The following ARMCX4 variants were observed in gnomAD, a reference collection of about 807,000 sequenced individuals.
ARMCX4 encodes the protein armadillo repeat-containing X-linked protein 4.
In ARMCX4, 3 loss-of-function variants were observed where a neutral mutation model predicts 34.7. That is an observed-to-expected ratio of 0.09 (90% CI 0.04 to 0.22). ARMCX4 has a LOEUF of 0.22. ARMCX4 is among the 10% of genes least tolerant of loss of function. The probability of loss-of-function intolerance (pLI) is 1.00; values close to 1 mark genes in which losing one functional copy is unlikely to be tolerated. For synonymous variants in ARMCX4, 513 were observed against 632.8 expected (o/e 0.81, Z 2.84); for missense variants, 1,448 against 1,720.8 (o/e 0.84, Z 2.81).
chrX:101,431,862 G>A (rs1193840922), intron 2 of ARMCX4, among the ~76,000 whole-genome samples: 2 of 112,182 alleles, frequency 1.8e-5, no homozygotes, highest in African/African-American at 6.5e-5. Flanking sequence ...TTTCTTAAAG[G>A]CATATATAGT....
intron 4 of ARMCX4, among the ~76,000 whole-genome samples, chrX:101,470,462 G>A (rs896905618): frequency 1.5e-4 from 17 of 110,024 alleles, no homozygotes; most frequent in East Asian, 5.8e-4. Context: ...ACAGGTGTGC[G>A]CCACCACACC....
chrX:101,419,232 G>A (rs966344309), intron 2 of ARMCX4: 15 of 111,146 alleles, frequency 1.3e-4, no homozygotes, highest in Non-Finnish European at 2.4e-4. Flanking sequence ...TTTGATTTTT[G>A]CTTTTCCAGT....
At chrX:101,466,783 C>T (rs1172599994) in intron 4 of ARMCX4, among the ~76,000 whole-genome samples, 1 of 111,819 alleles carries the variant, frequency 8.9e-6, no homozygotes, top group Non-Finnish European at 1.9e-5. Flanking sequence ...GTATCTTGAT[C>T]GTGGTGGTAG....
rs543270639 is a variant in ARMCX4, at chrX:101,458,885, T to A, written c.-473+12841T>A. Among the ~76,000 whole-genome samples the A allele has an allele frequency of 3.3e-4, 37 of 112,152 alleles. No individual in the cohort carries two copies. In the South Asian group the frequency reaches 4.0e-3, roughly 12 times the overall value. ...TTATCTAAATAAAATAAAATAAAAT[T>A]AAATTAAAATTAAAATGGAATGGGG... On this transcript the variant is annotated intron_variant and NMD_transcript_variant, in intron 4 of 15. Coordinates refer to the ARMCX4 transcript ENST00000433011.
At chrX:101,531,200 A>G (rs1247735170) in intron 11 of ARMCX4, among the ~76,000 whole-genome samples, 1 of 111,676 alleles carries the variant, frequency 9.0e-6, no homozygotes, top group African/African-American at 3.3e-5. Flanking sequence ...CTTTACAAGG[A>G]CGCTGTGATT....
At position 101,518,498 on chromosome X, in the gene ARMCX4, T is replaced by C. The variant is rs1292676805; in HGVS notation, c.*1780+7443T>C. 2.7e-5 allele frequency among the ~76,000 whole-genome samples: 3 copies of C among 110,838 alleles called. No homozygotes were observed. In the East Asian group the frequency reaches 8.4e-4, roughly 31 times the overall value. ...ATTTTCAAGTGACTAGAGGGAAAAA[T>C]TTGTCAGAAAAGAAAAACTAAAAGG... On this transcript the variant is annotated intron_variant and NMD_transcript_variant, in intron 11 of 12. Transcript: ENST00000354842.
upstream of ARMCX4, among the ~76,000 whole-genome samples, chrX:101,481,905 A>C (rs2147650265): frequency 9.0e-6 from 1 of 111,340 alleles, no homozygotes; most frequent in African/African-American, 3.3e-5. Context: ...ACATAATTTT[A>C]AATGAAAAAA....
At chrX:101,500,613 A>G (rs1402978644), downstream of ARMCX4, among the ~76,000 whole-genome samples, 1 of 112,483 alleles carries the variant, frequency 8.9e-6, no homozygotes, top group Non-Finnish European at 1.9e-5. Flanking sequence ...TTGCAATGGC[A>G]TACCAGACAT....
At chrX:101,465,031 G>T (rs1932769025) in intron 4 of ARMCX4, among the ~76,000 whole-genome samples, 1 of 111,137 alleles carries the variant, frequency 9.0e-6, no homozygotes, top group Non-Finnish European at 1.9e-5. Flanking sequence ...AATAGTAATA[G>T]AATCTATAAT....
chrX:101,474,658 C>T (rs1262030883), intron 4 of ARMCX4, among the ~76,000 whole-genome samples: 23 of 104,576 alleles, frequency 2.2e-4, no homozygotes, highest in African/African-American at 4.6e-4. Flanking sequence ...GTTCAATATA[C>T]GCAAATCAAT....
At chrX:101,525,664 C>A (rs1414152179) in intron 11 of ARMCX4, among the ~76,000 whole-genome samples, 2 of 111,161 alleles carry the variant, frequency 1.8e-5, no homozygotes, top group Non-Finnish European at 3.8e-5. Context: ...ACAAGAACTA[C>A]ATGACGTATG....
At chrX:101,459,966 G>A (rs1301407317) in intron 4 of ARMCX4, among the ~76,000 whole-genome samples, 3 of 112,595 alleles carry the variant, frequency 2.7e-5, no homozygotes, top group African/African-American at 9.7e-5. Flanking sequence ...TGCCCCTAGA[G>A]TTTCTGATTC....
intron 11 of ARMCX4, among the ~76,000 whole-genome samples, chrX:101,512,043 G>C (rs1370683348): frequency 9.0e-6 from 1 of 111,036 alleles, no homozygotes; most frequent in Admixed American, 9.6e-5. Flanking sequence ...CTAGTATAGG[G>C]GCTGGAGGAG....
chrX:101,453,878 AAGTACGAT>A (rs1192530460), intron 4 of ARMCX4, among the ~76,000 whole-genome samples: 1 of 110,994 alleles, frequency 9.0e-6, no homozygotes, highest in African/African-American at 3.3e-5. Context: ...TCAGAGAGGC[AAGTACGAT>A]AGGTATCTGG....
chrX:101,526,808 A>T (rs1321133024), intron 11 of ARMCX4, among the ~76,000 whole-genome samples: 3 of 111,979 alleles, frequency 2.7e-5, no homozygotes, highest in Non-Finnish European at 5.6e-5. Flanking sequence ...TGCACCCAAT[A>T]CAGGAGCACC....
chrX:101,528,283 G>C (rs1054271161), intron 11 of ARMCX4, among the ~76,000 whole-genome samples: 1 of 111,677 alleles, frequency 9.0e-6, no homozygotes, highest in South Asian at 3.7e-4. Context: ...AAATTCAACA[G>C]TGTTTCATGC....
intron 2 of ARMCX4, among the ~76,000 whole-genome samples, chrX:101,430,603 A>G (rs1261084779): frequency 8.9e-6 from 1 of 112,539 alleles, no homozygotes; most frequent in Non-Finnish European, 1.9e-5. Flanking sequence ...CATTGCAGTC[A>G]CTGTTAACCA....
In ARMCX4 at chrX:101,493,885, A is replaced by G. The variant is rs1278572718; in HGVS notation, c.5296A>G (p.Thr1766Ala). ...CAGGCCTGATGATAAAGATGAGGCC[A>G]CTACTGCATCCAGATCAGGGGCTGG... ...VSRPDDKDEA[T>A]TASRSGAGEE... Residue 1766 changes from threonine to alanine, a missense_variant, in exon 6 of 6, where the codon ACT becomes GCT. Physicochemically the swap from Thr to Ala is moderately conservative, Grantham distance 58. Transcript: ENST00000423738. 3.5e-6 allele frequency: 4 copies of G among 1,151,898 alleles called. No homozygotes were observed. The highest frequency in any genetic ancestry group is 4.6e-6 in the Non-Finnish European group (4 of 871,104). 94.9% of individuals were successfully genotyped at this position (1,151,898 alleles called of 1,213,427 possible).
intron 4 of ARMCX4, among the ~76,000 whole-genome samples, chrX:101,459,204 GT>G (rs1351139521): frequency 1.8e-5 from 2 of 111,991 alleles, no homozygotes; most frequent in African/African-American, 6.5e-5. Context: ...TTTACTGAAG[GT>G]TTATCCTTTT....
Sources: gnomAD v4.1 joint callset for allele counts (sites outside exome capture counted in the v4.1 genomes callset) on GRCh38, gnomAD v4.1.1 for gene constraint, MANE v1.5 for transcripts, NCBI Gene and HGNC (gene_info 2026-07-23, HGNC 2026-07-21) for gene names.